CACNA2D4: variants seen among roughly 807,000 people sequenced by gnomAD.
CACNA2D4 encodes calcium voltage-gated channel auxiliary subunit alpha2delta 4, also known as voltage-dependent calcium channel subunit alpha-2/delta-4.
Under a neutral mutation model 163.8 loss-of-function variants are expected in CACNA2D4, and 157 were observed. The observed-to-expected ratio is 0.96, with a 90% CI of 0.84 to 1.09. The LOEUF is 1.09. Among genes scored for constraint, CACNA2D4 ranks in the 50% least tolerant of loss-of-function variants. The pLI is 0.00. For missense variants in CACNA2D4, 1,410 were observed against 1,479.9 expected, an observed-to-expected ratio of 0.95 and a Z score of 0.78; for synonymous variants, 598 against 586.9, an observed-to-expected ratio of 1.02 and a Z score of -0.27.
intron 29 of CACNA2D4, among the ~76,000 whole-genome samples, chr12:1,808,768 G>A (rs916521095): frequency 5.9e-5 from 9 of 152,210 alleles, no homozygotes; most frequent in Non-Finnish European, 5.9e-5. Context: ...GCACGAATGA[G>A]GGGGCATCAG....
intron 19 of CACNA2D4, among the ~76,000 whole-genome samples, chr12:1,859,791 G>A (rs1032259869): frequency 1.3e-5 from 2 of 152,232 alleles, no homozygotes; most frequent in Admixed American, 1.3e-4. Flanking sequence ...AGGGCTAACC[G>A]CCCTCGGGGA....
chr12:1,886,907 G>A, intron 7 of CACNA2D4, 102 bp downstream of exon 7: 2 of 758,226 alleles, frequency 2.6e-6, no homozygotes, highest in East Asian at 2.7e-5. Flanking sequence ...AGGCCCTTGA[G>A]TGGCGGTGGG....
intron 18 of CACNA2D4, among the ~76,000 whole-genome samples, chr12:1,861,161 G>C (rs2154448595): frequency 6.6e-6 from 1 of 152,304 alleles, no homozygotes; most frequent in African/African-American, 2.4e-5. Flanking sequence ...GGAAACTGGA[G>C]CGAGGTGTCA....
At position 1,829,785 on chromosome 12, in the gene CACNA2D4, CT is replaced by C. The variant is rs1423567450; in HGVS notation, c.2551+10953del. On this transcript the variant is annotated intron_variant, in intron 26 of 37. Transcript: ENST00000382722. This position sits in a 1 kb window ranked among gnomAD's most constrained non-coding sequence, Gnocchi z 4.2. ...GGGTCTGAACTTCTCCATCAGTTCT[CT>C]GGCTGGGGTCTTTTCTCTAGGCTGG... is the stretch of plus-strand genomic sequence containing the variant. Among the ~76,000 whole-genome samples the C allele has an allele frequency of 1.2e-4, 18 of 151,570 alleles. No homozygotes were observed. The highest frequency in any genetic ancestry group is 5.9e-5 in the Non-Finnish European group (4 of 67,846).
At position 1,834,444 on chromosome 12, in the gene CACNA2D4, C is replaced by T. The variant is rs200104979; in HGVS notation, c.2551+6295G>A. 2.5e-5 allele frequency: 41 copies of T among 1,612,296 alleles called. No individual in the cohort carries two copies. In the Middle Eastern group the frequency reaches 6.6e-4, roughly 26 times the overall value. On this transcript the variant is annotated intron_variant, in intron 26 of 37. Coordinates refer to ENST00000382722, the MANE Select transcript of CACNA2D4 (RefSeq NM_172364.5). This position sits in a 1 kb window ranked among gnomAD's most constrained non-coding sequence, Gnocchi z 7.6. The stretch of plus-strand genomic sequence containing the variant: ...AAGGCCAGTCCAGAGCCTGCTAAGC[C>T]CAAGCCCGGGGCTGAGCCGGAGCCG...
Position 1,887,024 on chromosome 12 carries a change from C to A in CACNA2D4, c.827G>T (p.Cys276Phe). Residue 276 changes from cysteine to phenylalanine, a missense_variant, in exon 7 of 38, where the codon TGC becomes TTC. By Grantham distance (205) the Cys-to-Phe change is radical. Transcript: ENST00000382722. ...PDENGVITFD[C>F]RNRGWYIQAA... Reference sequence around the variant, plus strand: ...GAGCTCTTACCAGCCGCGGTTTCGGCAGTCAAAAGTAATGACTCCATTCTC... The same window carrying A: ...GAGCTCTTACCAGCCGCGGTTTCGGAAGTCAAAAGTAATGACTCCATTCTC... The A allele has an allele frequency of 6.3e-7, 1 of 1,591,988 alleles. No individual in the cohort carries two copies. Among genetic ancestry groups the A allele is most frequent in the Non-Finnish European group, 8.6e-7 (1 of 1,165,454 alleles).
At position 1,879,804 on chromosome 12, in the gene CACNA2D4, C is replaced by A. The variant is rs11062013; in HGVS notation, c.1563G>T (p.Thr521=). 1.3e-6 allele frequency: 2 copies of A among 1,596,710 alleles called. No homozygotes were observed. The highest frequency in any genetic ancestry group is 1.7e-5 in the Admixed American group (1 of 57,606). ...AACGTCTCCAGGAGCGGCCACTCACCGTTTCGTTCTTCTTGCTGAAGACTG... is the reference window on the plus strand; with the variant it reads ...AACGTCTCCAGGAGCGGCCACTCACAGTTTCGTTCTTCTTGCTGAAGACTG... ...AMPVFSKKNE[T]RSHGILLGVV... is the part of the protein sequence containing the mutation. The change falls in exon 14 of 38, where the codon ACG becomes ACT. Residue 521 remains threonine (T), a splice_region_variant and synonymous_variant. Coordinates refer to ENST00000382722, the MANE Select transcript of CACNA2D4 (RefSeq NM_172364.5).
rs1866045571 is a variant in CACNA2D4 at position 1,883,064 on chromosome 12, C to T, written c.1352-64G>A. ...CTTCCCTGGGAACCCCTCGCCAGGG[C>T]CTGCACCCTCCCCAGCTGCAGATGG... is the stretch of plus-strand genomic sequence containing the variant. On this transcript the variant is annotated intron_variant, in intron 12 of 37. Coordinates refer to ENST00000382722, the MANE Select transcript of CACNA2D4 (RefSeq NM_172364.5). This position sits in a 1 kb window ranked among gnomAD's most constrained non-coding sequence, Gnocchi z 4.5. The T allele has an allele frequency of 5.2e-6, 8 of 1,525,526 alleles. No individual in the cohort carries two copies. The South Asian group carries it at 8.6e-5, about 16-fold the overall frequency. 94.5% of individuals were successfully genotyped at this position (1,525,526 alleles called of 1,614,324 possible).
At chr12:1,868,029 G>C (rs748262416) in intron 18 of CACNA2D4, among the ~76,000 whole-genome samples, 2 of 152,298 alleles carry the variant, frequency 1.3e-5, no homozygotes, top group East Asian at 1.9e-4. Context: ...ATGTAGGTTG[G>C]TGCAACCACT....
chr12:1,825,548 C>T (rs566150460), intron 26 of CACNA2D4, among the ~76,000 whole-genome samples: 1 of 152,338 alleles, frequency 6.6e-6, no homozygotes, highest in Admixed American at 6.5e-5. Context: ...CACTCAGCTG[C>T]CTGAGTGTTG....
Position 1,795,763 on chromosome 12 carries a change from T to G in CACNA2D4, c.3131A>C (p.Gln1044Pro). The G allele has an allele frequency of 1.2e-6, 2 of 1,611,088 alleles. No homozygotes were observed. Among genetic ancestry groups the G allele is most frequent in the Non-Finnish European group, 1.7e-6 (2 of 1,177,224 alleles). Residue 1044 changes from glutamine (Q) to proline (P), a missense_variant, in exon 36 of 38, where the codon CAG becomes CCG. Transcript: ENST00000382722. ...GPCQKVFVVQ[Q>P]IPNSNLLLLV... ...GAGGAGGAGGTTACTGTTGGGAATC[T>G]GCTGCACCACAAATACCCTGCAGCA...
intron 7 of CACNA2D4, among the ~76,000 whole-genome samples, chr12:1,886,791 G>C (rs1866156984): frequency 6.6e-6 from 1 of 152,132 alleles, no homozygotes; most frequent in African/African-American, 2.4e-5. Flanking sequence ...GGTTTAGGTT[G>C]GGAAAGACAA....
At chr12:1,800,124 T>A (rs1180160150) in intron 32 of CACNA2D4, 72 bp from the exon 33 acceptor site, 1 of 1,441,190 alleles carries the variant, frequency 6.9e-7, no homozygotes, top group Non-Finnish European at 9.5e-7. Context: ...AGCTGGAGTA[T>A]CCCTGACAGC....
intron 6 of CACNA2D4, among the ~76,000 whole-genome samples, chr12:1,905,028 T>C (rs1309564159): frequency 6.6e-6 from 1 of 151,998 alleles, no homozygotes; most frequent in East Asian, 1.9e-4. Context: ...CATAACCAAA[T>C]AGGACTTATT....
At chr12:1,851,919 A>G (rs1865292472) in intron 23 of CACNA2D4, among the ~76,000 whole-genome samples, 1 of 151,856 alleles carries the variant, frequency 6.6e-6, no homozygotes, top group Non-Finnish European at 1.5e-5. Flanking sequence ...TTTTCCTTAT[A>G]TAGGTTTTTG....
At chr12:1,826,200 G>A (rs555899113) in intron 26 of CACNA2D4, among the ~76,000 whole-genome samples, 8 of 152,122 alleles carry the variant, frequency 5.3e-5, no homozygotes, top group Non-Finnish European at 1.2e-4. Flanking sequence ...GCTCAAGTCC[G>A]AGCTAGGAGC....
chr12:1,841,828 C>T (rs1346656857), intron 25 of CACNA2D4, among the ~76,000 whole-genome samples: 1 of 152,196 alleles, frequency 6.6e-6, no homozygotes, highest in Non-Finnish European at 1.5e-5. Context: ...CCAAGATTAC[C>T]CATCACACCC....
Position 1,846,638 on chromosome 12 carries a change from G to A in CACNA2D4, c.2298C>T (p.Leu766=), listed in dbSNP as rs2154447946. ...DMAFLGTRAG[L]LRSSLFVGSE... Reference sequence around the variant, plus strand: ...AGCCCACGAACAAGCTGCTTCTCAGGAGGCCAGCCCGGGTGCCCAGGAAGG... The same window carrying A: ...AGCCCACGAACAAGCTGCTTCTCAGAAGGCCAGCCCGGGTGCCCAGGAAGG... Residue 766 remains leucine (L), a synonymous_variant, in exon 24 of 38, where the codon CTC becomes CTT. Transcript: ENST00000382722. 6.2e-7 allele frequency: 1 copy of A among 1,605,126 alleles called. No individual in the cohort carries two copies. Among genetic ancestry groups the A allele is most frequent in the Non-Finnish European group, 8.5e-7 (1 of 1,177,804 alleles).
intron 26 of CACNA2D4, among the ~76,000 whole-genome samples, chr12:1,837,775 C>T (rs1864915505): frequency 1.3e-5 from 2 of 152,052 alleles, no homozygotes; most frequent in Non-Finnish European, 2.9e-5. Context: ...ATAGCAGGGC[C>T]CAAGACAAGT....
Sources: allele counts gnomAD v4.1 joint callset (sites outside exome capture counted in the v4.1 genomes callset), GRCh38; gene constraint gnomAD v4.1.1; non-coding constraint Gnocchi (gnomAD v3.1); transcripts MANE v1.5; gene names NCBI Gene and HGNC (gene_info 2026-07-23, HGNC 2026-07-21).